ETNK1: variants seen among roughly 807,000 people sequenced by gnomAD.
The protein encoded by ETNK1 is putative protein product of Nbla10396.
Under a neutral mutation model 45.1 loss-of-function variants are expected in ETNK1, and 8 were observed. That is an observed-to-expected ratio of 0.18 (90% CI 0.10 to 0.32). The LOEUF (loss-of-function observed/expected upper bound fraction) is 0.32. Ranked by LOEUF, ETNK1 falls within the 10% of genes least tolerant of loss-of-function variation. The probability of loss-of-function intolerance (pLI) is 1.00; values close to 1 mark genes in which losing one functional copy is unlikely to be tolerated. For missense variants in ETNK1, 302 were observed against 430.6 expected (o/e 0.70, Z 2.64); for synonymous variants, 152 against 151.9 (o/e 1.00, Z -0.01).
intron 2 of ETNK1, among the ~76,000 whole-genome samples, chr12:22,649,729 A>G (rs1953851203): frequency 6.6e-6 from 1 of 152,096 alleles, no homozygotes; most frequent in Non-Finnish European, 1.5e-5. Flanking sequence ...TTTAGTTTTT[A>G]CATTTTAAAA....
intron 2 of ETNK1, chr12:22,656,924 A>T (rs755864075): frequency 4.2e-4 from 231 of 548,506 alleles, no homozygotes; most frequent in Non-Finnish European, 5.0e-4. Context: ...TGTAACACAG[A>T]TTGTATCTTT....
At chr12:22,651,905 C>T (rs1283036663) in intron 2 of ETNK1, among the ~76,000 whole-genome samples, 6 of 151,972 alleles carry the variant, frequency 3.9e-5, no homozygotes, top group Admixed American at 2.0e-4. Flanking sequence ...AGGCTGGTCT[C>T]GAACTCCAGA....
Position 22,685,002 on chromosome 12 carries a change from T to C in ETNK1, c.*48T>C. ...AGTAGCTGAGCAATGCTTGTGAATC[T>C]TTTCTTAAGAAATCCCAAAAAGCCA... On this transcript the variant is annotated 3_prime_UTR_variant, in exon 8 of 8. Transcript: ENST00000266517. 1 of 1,372,776 alleles carries C rather than the reference T, an allele frequency of 7.3e-7. No homozygotes were observed. The highest frequency in any genetic ancestry group is 1.0e-6 in the Non-Finnish European group (1 of 995,354). The allele number at this position is 1,372,776 out of a possible 1,614,324, so 85.0% of individuals were successfully genotyped here.
chr12:22,628,468 T>C (rs1005577612), intron 1 of ETNK1, among the ~76,000 whole-genome samples: 35 of 152,268 alleles, frequency 2.3e-4, no homozygotes, highest in African/African-American at 7.2e-4. Context: ...TTACTTAAGC[T>C]TTCCTTCACG....
chr12:22,673,449 A>T (rs376167402), intron 5 of ETNK1, 51 bp from the exon 6 acceptor site: 9 of 1,436,912 alleles, frequency 6.3e-6, no homozygotes, highest in Non-Finnish European at 8.5e-6. Context: ...TAAGGTATGC[A>T]GAAGAGTTTA....
chr12:22,660,517 C>G (rs1449476741), intron 3 of ETNK1, among the ~76,000 whole-genome samples: 1 of 152,116 alleles, frequency 6.6e-6, no homozygotes, highest in Non-Finnish European at 1.5e-5. Flanking sequence ...TATAATAGTT[C>G]TGTTTTTAAC....
chr12:22,671,197 T>G lies in ETNK1; in HGVS notation c.701-75T>G, dbSNP rs547466297. On this transcript the variant is annotated intron_variant, in intron 4 of 7. Transcript: ENST00000266517. ...ATGAGACAAAATATTGGAAGCTATT[T>G]AATTACAAATAGCATAGGGATTTTC... 5 of 1,024,270 alleles carry G rather than the reference T, an allele frequency of 4.9e-6. No homozygotes were observed. In the East Asian group the frequency reaches 9.5e-5, roughly 20 times the overall value. The allele number at this position is 1,024,270 out of a possible 1,614,324, so 63.4% of individuals were successfully genotyped here.
At chr12:22,675,263 G>T (rs1472023180) in intron 6 of ETNK1, among the ~76,000 whole-genome samples, 1 of 151,462 alleles carries the variant, frequency 6.6e-6, no homozygotes, top group East Asian at 1.9e-4. Context: ...TCTCTATATT[G>T]CCCAGGCTGG....
intron 1 of ETNK1, among the ~76,000 whole-genome samples, chr12:22,633,210 A>G (rs1351546930): frequency 6.6e-6 from 1 of 152,092 alleles, no homozygotes; most frequent in Non-Finnish European, 1.5e-5. Context: ...TGAGAGTTTC[A>G]CTTATGGTAT....
At chr12:22,677,184 G>A (rs1954170604) in intron 6 of ETNK1, among the ~76,000 whole-genome samples, 1 of 152,208 alleles carries the variant, frequency 6.6e-6, no homozygotes, top group South Asian at 2.1e-4. Flanking sequence ...GTTAATTTTT[G>A]TATGAGGTGT....
intron 2 of ETNK1, among the ~76,000 whole-genome samples, chr12:22,653,423 C>T (rs1380668857): frequency 6.6e-6 from 1 of 152,110 alleles, no homozygotes; most frequent in Non-Finnish European, 1.5e-5. Context: ...AGGGATTGCA[C>T]TGAATCTGTG....
intron 2 of ETNK1, among the ~76,000 whole-genome samples, chr12:22,658,373 A>G (rs1205384732): frequency 6.6e-6 from 1 of 152,216 alleles, no homozygotes; most frequent in Admixed American, 6.5e-5. Flanking sequence ...GTGTATGTTC[A>G]GTGGTTCAGG....
chr12:22,677,709 TGAA>T (rs1954175136), intron 6 of ETNK1, among the ~76,000 whole-genome samples: 2 of 152,224 alleles, frequency 1.3e-5, no homozygotes, highest in Admixed American at 1.3e-4. Context: ...TAGTTCTCCT[TGAA>T]GAGGTCTTTC....
intron 1 of ETNK1, among the ~76,000 whole-genome samples, chr12:22,628,136 G>A (rs1326356832): frequency 6.6e-6 from 1 of 152,042 alleles, no homozygotes; most frequent in African/African-American, 2.4e-5. Context: ...ATCCTTTACT[G>A]TTTATAAAGC....
chr12:22,659,483 C>T (rs1415601133), intron 3 of ETNK1, among the ~76,000 whole-genome samples: 1 of 152,102 alleles, frequency 6.6e-6, no homozygotes, highest in Non-Finnish European at 1.5e-5. Context: ...GGTTGAGAGG[C>T]AAGTCTAGTA....
At chr12:22,658,142 A>G (rs1183036011) in intron 2 of ETNK1, among the ~76,000 whole-genome samples, 1 of 152,168 alleles carries the variant, frequency 6.6e-6, no homozygotes, top group Non-Finnish European at 1.5e-5. Flanking sequence ...AACTAGGTAG[A>G]CAGATCTGGT....
intron 2 of ETNK1, among the ~76,000 whole-genome samples, chr12:22,651,619 A>G (rs1244754261): frequency 1.3e-5 from 2 of 151,342 alleles, no homozygotes; most frequent in Non-Finnish European, 2.9e-5. Context: ...TTGCATTCAC[A>G]TGGTTGTGCA....
In ETNK1 at chr12:22,690,374, A is replaced by C. The variant is rs1174439889; in HGVS notation, c.*5420A>C. The C allele has an allele frequency of 1.3e-5, 2 of 152,504 alleles. No individual in the cohort carries two copies. The highest frequency in any genetic ancestry group is 2.9e-5 in the Non-Finnish European group (2 of 67,942). The allele number at this position is 152,504 out of a possible 1,614,324, so 9.4% of individuals were successfully genotyped here. A position where few individuals can be genotyped will look rare whatever the true frequency, so the allele number is the denominator to read the frequency against. On this transcript the variant is annotated 3_prime_UTR_variant, in exon 8 of 8. Transcript: ENST00000266517. ...AAAATTTAAGTTTTACATTTTTACT[A>C]CTGTTAATTTAAATAAAATTTGTTC...
Position 22,658,997 on chromosome 12 carries a change from G to A in ETNK1, c.417-17G>A, listed in dbSNP as rs778271667. Reference sequence around the variant, plus strand: ...GATACTTAAGTTTTTCTTTTTATGCGGTTTTGTTTTAAACAGGCTAATAGC... The same window carrying A: ...GATACTTAAGTTTTTCTTTTTATGCAGTTTTGTTTTAAACAGGCTAATAGC... On this transcript the variant is annotated splice_polypyrimidine_tract_variant and intron_variant, in intron 2 of 7. Coordinates refer to ENST00000266517, the MANE Select transcript of ETNK1 (RefSeq NM_018638.5). The A allele has an allele frequency of 1.3e-6, 2 of 1,597,760 alleles. No homozygotes were observed. The highest frequency in any genetic ancestry group is 8.5e-7 in the Non-Finnish European group (1 of 1,175,236).
Sources: gnomAD v4.1 joint callset for allele counts (sites outside exome capture counted in the v4.1 genomes callset) on GRCh38, gnomAD v4.1.1 for gene constraint, MANE v1.5 for transcripts, NCBI Gene and HGNC (gene_info 2026-07-23, HGNC 2026-07-21) for gene names.